Variants in TMEM74 observed in about 807,000 individuals in gnomAD.
TMEM74 encodes transmembrane protein 74.
TMEM74 carries 13 observed loss-of-function variants against 18.1 expected under a neutral mutation model. The ratio of observed to expected loss-of-function variants is 0.72; its 90% CI spans 0.47 to 1.14. The LOEUF (loss-of-function observed/expected upper bound fraction) is 1.14. Ranked by LOEUF, TMEM74 falls within the 50% of genes most tolerant of loss-of-function variation. The pLI is 0.00. For missense variants in TMEM74, 372 were observed against 375.9 expected (o/e 0.99, Z 0.09); for synonymous variants, 159 against 146.6 (o/e 1.08, Z -0.61).
chr8:108,632,012 C>CT (rs1254889886), intron 2 of TMEM74, among the ~76,000 whole-genome samples: 16 of 151,966 alleles, frequency 1.1e-4, no homozygotes, highest in African/African-American at 3.9e-4. Context: ...TGTTCCTACC[C>CT]TCATGGGAGG....
Position 108,652,591 on chromosome 8 carries a change from CAG to C in TMEM74, n.264+2700_264+2701del, listed in dbSNP as rs562284518. 104 of 617,604 alleles carry C rather than the reference CAG, an allele frequency of 1.7e-4. No individual in the cohort carries two copies. In the East Asian group the frequency reaches 2.6e-3, roughly 15 times the overall value. The allele number at this position is 617,604 out of a possible 1,614,324, so 38.3% of individuals were successfully genotyped here. On this transcript the variant is annotated intron_variant and non_coding_transcript_variant, in intron 2 of 3. Transcript: ENST00000518838. ...TCATAAGAAAAATATCCAGAGAAAA[CAG>C]AGACACTGGGAAAAGATAGTTGCAG...
chr8:108,663,439 A>G (rs1403612613), intron 1 of TMEM74, among the ~76,000 whole-genome samples: 2 of 152,192 alleles, frequency 1.3e-5, no homozygotes, highest in Admixed American at 1.3e-4. Context: ...CGGAATGGCG[A>G]TTACTAAAAA....
intron 1 of TMEM74, among the ~76,000 whole-genome samples, chr8:108,786,337 A>G (rs572688815): frequency 6.6e-6 from 1 of 152,348 alleles, no homozygotes; most frequent in East Asian, 1.9e-4. Context: ...CACTATCATT[A>G]GAGATTTTAA....
chr8:108,642,149 A>G (rs1012317260), intron 2 of TMEM74, among the ~76,000 whole-genome samples: 16 of 152,120 alleles, frequency 1.1e-4, no homozygotes, highest in African/African-American at 3.1e-4. Flanking sequence ...CTGTAATTCT[A>G]GCACTTTGGG....
intron 2 of TMEM74, among the ~76,000 whole-genome samples, chr8:108,621,302 G>T (rs1220106625): frequency 6.6e-6 from 1 of 152,252 alleles, no homozygotes; most frequent in Admixed American, 6.5e-5. Flanking sequence ...AATGGGTTGG[G>T]GAGGCTGAGG....
At chr8:108,677,550 T>G (rs1341675219) in intron 1 of TMEM74, among the ~76,000 whole-genome samples, 3 of 152,048 alleles carry the variant, frequency 2.0e-5, no homozygotes, top group African/African-American at 7.2e-5. Context: ...TCTGTTGTTT[T>G]TTTTTTTTTC....
chr8:108,609,633 G>T (rs747318132), intron 2 of TMEM74, among the ~76,000 whole-genome samples: 1 of 152,018 alleles, frequency 6.6e-6, no homozygotes. Flanking sequence ...GGGTGACAGA[G>T]CAAGAAAAAA....
At chr8:108,664,611 A>C (rs78894075) in intron 1 of TMEM74, among the ~76,000 whole-genome samples, 5,714 of 152,090 alleles carry the variant, frequency 0.038, 349 homozygotes, top group African/African-American at 0.13. Context: ...TCTCTTTCTA[A>C]TTGGATGCCT....
chr8:108,746,009 G>A (rs907380807), intron 1 of TMEM74, among the ~76,000 whole-genome samples: 2 of 152,114 alleles, frequency 1.3e-5, no homozygotes, highest in African/African-American at 4.8e-5. Flanking sequence ...AAAAGGGACA[G>A]GAATTGCTCA....
chr8:108,736,250 G>A (rs979630526), intron 1 of TMEM74, among the ~76,000 whole-genome samples: 1 of 152,056 alleles, frequency 6.6e-6, no homozygotes, highest in African/African-American at 2.4e-5. Context: ...TTTTATATTT[G>A]AGGTCTACTT....
intron 1 of TMEM74, among the ~76,000 whole-genome samples, chr8:108,728,488 A>G (rs897618849): frequency 1.5e-4 from 23 of 152,296 alleles, no homozygotes; most frequent in South Asian, 1.0e-3. Flanking sequence ...TCTCCTGATC[A>G]TAGAACCTTT....
chr8:108,695,258 G>A (rs1353041107), intron 1 of TMEM74, among the ~76,000 whole-genome samples: 1 of 152,178 alleles, frequency 6.6e-6, no homozygotes, highest in Admixed American at 6.6e-5. Context: ...AAAAAAGGTG[G>A]ATGTGGGAAA....
chr8:108,721,620 T>C (rs1476638299), intron 1 of TMEM74, among the ~76,000 whole-genome samples: 1 of 152,246 alleles, frequency 6.6e-6, no homozygotes, highest in Non-Finnish European at 1.5e-5. Context: ...CATATCAGAC[T>C]GTTTTATTTT....
chr8:108,707,331 TA>T lies in TMEM74; in HGVS notation n.120-51895del, dbSNP rs34769336. Among the ~76,000 whole-genome samples, 363 of 146,962 alleles carry T rather than the reference TA, an allele frequency of 2.5e-3. 1 individual carries two copies. The highest frequency in any genetic ancestry group is 7.2e-3 in the African/African-American group (291 of 40,196). ...CACATGTACCCTAGAACTTAAACTA[TA>T]AAAAAAAAAAATCCCTTATCCCCAC... is the stretch of plus-strand genomic sequence containing the variant. On this transcript the variant is annotated intron_variant and non_coding_transcript_variant, in intron 1 of 3. Transcript: ENST00000518838.
At chr8:108,662,740 C>A (rs1312261733) in intron 1 of TMEM74, among the ~76,000 whole-genome samples, 1 of 152,110 alleles carries the variant, frequency 6.6e-6, no homozygotes, top group Non-Finnish European at 1.5e-5. Flanking sequence ...TTTGACCCCA[C>A]AATTTATGCA....
At chr8:108,722,952 T>C (rs1338248702) in intron 1 of TMEM74, among the ~76,000 whole-genome samples, 1 of 152,198 alleles carries the variant, frequency 6.6e-6, no homozygotes, top group African/African-American at 2.4e-5. Context: ...TCAGTGCTCT[T>C]ACCACTTAAA....
intron 1 of TMEM74, among the ~76,000 whole-genome samples, chr8:108,664,081 C>T (rs1306187317): frequency 1.3e-5 from 2 of 152,144 alleles, no homozygotes; most frequent in Non-Finnish European, 2.9e-5. Flanking sequence ...TGTAACAAAA[C>T]TGCACATCCT....
chr8:108,756,593 A>AG (rs1563543566), intron 1 of TMEM74, among the ~76,000 whole-genome samples: 16 of 108,768 alleles, frequency 1.5e-4, no homozygotes, highest in South Asian at 2.9e-4. Flanking sequence ...AGAAAGAAAG[A>AG]AAGAGAAAGG....
intron 1 of TMEM74, among the ~76,000 whole-genome samples, chr8:108,749,156 A>T (rs1388853006): frequency 7.5e-6 from 1 of 134,226 alleles, no homozygotes; most frequent in Non-Finnish European, 1.6e-5. Context: ...GAATTTTAAA[A>T]TAGTTGTTGT....
Sources: gnomAD v4.1 joint callset for allele counts (sites outside exome capture counted in the v4.1 genomes callset) on GRCh38, gnomAD v4.1.1 for gene constraint, MANE v1.5 for transcripts, NCBI Gene and HGNC (gene_info 2026-07-23, HGNC 2026-07-21) for gene names.